Variants in SLC39A12 observed in about 807,000 individuals in gnomAD.
SLC39A12 encodes the protein zinc transporter ZIP12.
SLC39A12 carries 63 observed loss-of-function variants against 71.1 expected under a neutral mutation model. The ratio of observed to expected loss-of-function variants is 0.89; its 90% CI spans 0.72 to 1.09. The LOEUF (loss-of-function observed/expected upper bound fraction) is 1.09, where lower values mean the gene tolerates loss of function less well. Among genes scored for constraint, SLC39A12 ranks in the 50% least tolerant of loss-of-function variants. The pLI, the probability that SLC39A12 is intolerant of heterozygous loss-of-function variation, is 0.00. For missense variants in SLC39A12, 892 were observed against 812.6 expected (o/e 1.10, Z -1.19); for synonymous variants, 351 against 301.3 (o/e 1.16, Z -1.71).
chr10:17,983,048 A>C (rs1453165529), intron 6 of SLC39A12, among the ~76,000 whole-genome samples: 2 of 151,564 alleles, frequency 1.3e-5, no homozygotes, highest in Non-Finnish European at 1.5e-5. Flanking sequence ...ATTAAAAAAA[A>C]AAATAGCCGG....
At chr10:17,960,704 G>T (rs1313277616) in intron 2 of SLC39A12, among the ~76,000 whole-genome samples, 1 of 152,182 alleles carries the variant, frequency 6.6e-6, no homozygotes, top group African/African-American at 2.4e-5. Flanking sequence ...TTCCAGAATT[G>T]TGCTGTCCAG....
At chr10:18,034,282 G>A (rs1222061842) in intron 12 of SLC39A12, among the ~76,000 whole-genome samples, 1 of 149,328 alleles carries the variant, frequency 6.7e-6, no homozygotes. Flanking sequence ...ATGTGTGGGA[G>A]TCTAAGTCTC....
At chr10:18,008,284 G>A (rs1012930630) in intron 12 of SLC39A12, among the ~76,000 whole-genome samples, 5 of 152,256 alleles carry the variant, frequency 3.3e-5, no homozygotes, top group East Asian at 1.9e-4. Flanking sequence ...TCACAGGAGC[G>A]TGAACCTTAT....
intron 12 of SLC39A12, among the ~76,000 whole-genome samples, chr10:18,026,230 G>T (rs1158554262): frequency 6.6e-6 from 1 of 152,024 alleles, no homozygotes; most frequent in East Asian, 1.9e-4. Context: ...TTCTCAGAAG[G>T]CATGGCTACT....
At position 18,003,364 on chromosome 10, in the gene SLC39A12, C is replaced by G. The variant is rs188136447; in HGVS notation, c.1947+6C>G. On this transcript the variant is annotated splice_donor_region_variant and intron_variant, in intron 12 of 12. Transcript: ENST00000377369. ...ATTTATCCTTGGTTGAAATGGTAAG[C>G]TTGGTGGCTTTTCTATTTGATTTTT... The G allele has an allele frequency of 1.2e-3, 1,832 of 1,591,990 alleles. 1 individual carries two copies. Among genetic ancestry groups the G allele is most frequent in the Admixed American group, 2.7e-3 (151 of 55,236 alleles).
intron 12 of SLC39A12, among the ~76,000 whole-genome samples, chr10:18,036,704 A>G (rs976103089): frequency 6.8e-6 from 1 of 146,546 alleles, no homozygotes; most frequent in Non-Finnish European, 1.5e-5. Flanking sequence ...AAGGCAGCCT[A>G]ATAACTATAT....
chr10:18,020,999 T>C lies in SLC39A12; in HGVS notation c.1947+17641T>C, dbSNP rs1209427565. ...TGAGGTCCCACTTGTCAACTTTTGA[T>C]TTTTTTGCAATTGCTTTTGGAGTCT... On this transcript the variant is annotated intron_variant, in intron 12 of 12. Coordinates refer to ENST00000377369, the MANE Select transcript of SLC39A12 (RefSeq NM_001145195.2). Among the ~76,000 whole-genome samples the C allele has an allele frequency of 2.0e-5, 3 of 152,142 alleles. No homozygotes were observed. The East Asian group carries it at 5.8e-4, about 29-fold the overall frequency.
intron 4 of SLC39A12, among the ~76,000 whole-genome samples, chr10:17,976,242 T>C (rs976903219): frequency 6.6e-6 from 1 of 152,216 alleles, no homozygotes; most frequent in African/African-American, 2.4e-5. Flanking sequence ...TATTCTGCCA[T>C]CTTACTCTGC....
At chr10:18,025,702 A>G (rs9417342) in intron 12 of SLC39A12, among the ~76,000 whole-genome samples, 70,996 of 151,982 alleles carry the variant, frequency 0.47, 17,075 homozygotes, top group Non-Finnish European at 0.53. Context: ...ATACGTGTGC[A>G]TGTGTCTTTA....
intron 12 of SLC39A12, among the ~76,000 whole-genome samples, chr10:18,027,931 G>T (rs1301718993): frequency 6.6e-6 from 1 of 152,210 alleles, no homozygotes; most frequent in African/African-American, 2.4e-5. Context: ...CAGAATGTGT[G>T]TTCCTCTAGA....
At chr10:18,006,556 G>A (rs1042304948) in intron 12 of SLC39A12, among the ~76,000 whole-genome samples, 6 of 152,104 alleles carry the variant, frequency 3.9e-5, no homozygotes, top group Non-Finnish European at 8.8e-5. Context: ...GTGAAGGACC[G>A]GCAAACTGAA....
At chr10:17,978,742 T>C (rs180727148) in intron 5 of SLC39A12, among the ~76,000 whole-genome samples, 20 of 152,318 alleles carry the variant, frequency 1.3e-4, no homozygotes, top group African/African-American at 4.8e-4. Flanking sequence ...AACAACCTCT[T>C]CTCCAATAAT....
Position 17,980,564 on chromosome 10 carries a change from G to A in SLC39A12, c.925-748G>A, listed in dbSNP as rs566245403. Among the ~76,000 whole-genome samples, 9 of 140,322 alleles carry A rather than the reference G, an allele frequency of 6.4e-5. No homozygotes were observed. The East Asian group carries it at 1.0e-3, about 16-fold the overall frequency. The allele number at this position is 140,322 out of a possible 152,430, so 92.1% of individuals were successfully genotyped here. ...AGTACACAACGTCAACCTTTATTCT[G>A]AGATGGACAAATGTCTTTTGGCCCT... On this transcript the variant is annotated intron_variant, in intron 5 of 12. Coordinates refer to ENST00000377369, the MANE Select transcript of SLC39A12 (RefSeq NM_001145195.2).
intron 7 of SLC39A12, among the ~76,000 whole-genome samples, chr10:17,988,773 T>A (rs1171819300): frequency 6.6e-6 from 1 of 152,198 alleles, no homozygotes; most frequent in Non-Finnish European, 1.5e-5. Flanking sequence ...TAGAAGTGGC[T>A]GATTTGCCAT....
intron 7 of SLC39A12, among the ~76,000 whole-genome samples, chr10:17,988,676 T>G (rs1835465686): frequency 6.6e-6 from 1 of 152,180 alleles, no homozygotes; most frequent in South Asian, 2.1e-4. Context: ...GGTCAGCCAA[T>G]GAGGGGCACA....
At chr10:18,034,810 G>T (rs1246345203) in intron 12 of SLC39A12, among the ~76,000 whole-genome samples, 1 of 148,512 alleles carries the variant, frequency 6.7e-6, no homozygotes, top group Non-Finnish European at 1.5e-5. Context: ...CATGTTTAGC[G>T]CTTCCTTCAG....
At chr10:18,000,061 A>G (rs955970966) in intron 10 of SLC39A12, among the ~76,000 whole-genome samples, 3 of 152,178 alleles carry the variant, frequency 2.0e-5, no homozygotes, top group African/African-American at 4.8e-5. Context: ...GTTCTTTCTC[A>G]TGGTCCTGGA....
chr10:18,037,891 G>C (rs565014361), intron 12 of SLC39A12, among the ~76,000 whole-genome samples: 97 of 151,752 alleles, frequency 6.4e-4, no homozygotes, highest in African/African-American at 2.2e-3. Context: ...ATGGTGGTGC[G>C]TGCCTGTAGT....
intron 11 of SLC39A12, chr10:18,001,853 A>T (rs1835843659): frequency 6.6e-6 from 1 of 151,970 alleles, no homozygotes; most frequent in Admixed American, 6.6e-5. Flanking sequence ...AGTTATTTTT[A>T]AATGTACAAA....
Sources: allele counts gnomAD v4.1 joint callset (sites outside exome capture counted in the v4.1 genomes callset), GRCh38; gene constraint gnomAD v4.1.1; transcripts MANE v1.5; gene names NCBI Gene and HGNC (gene_info 2026-07-23, HGNC 2026-07-21).